The following CALN1 variants were observed in gnomAD, a reference collection of about 807,000 sequenced individuals.
CALN1 encodes the protein calneuron 1, also known as calcium-binding protein 8.
A neutral mutation model predicts 30.6 loss-of-function variants in CALN1; 17 were observed. The ratio of observed to expected loss-of-function variants is 0.56; its 90% confidence interval spans 0.38 to 0.83. The LOEUF (loss-of-function observed/expected upper bound fraction) is 0.83, where lower values mean the gene tolerates loss of function less well. CALN1 is among the 40% of genes least tolerant of loss of function. The probability of loss-of-function intolerance (pLI) is 0.00; values close to 1 mark genes in which losing one functional copy is unlikely to be tolerated. For missense variants in CALN1, 291 were observed against 354.9 expected, an observed-to-expected ratio of 0.82 and a Z score of 1.45; for synonymous variants, 156 against 131.4, an observed-to-expected ratio of 1.19 and a Z score of -1.28.
chr7:71,923,438 G>A (rs548649241), intron 5 of CALN1, among the ~76,000 whole-genome samples: 9 of 152,264 alleles, frequency 5.9e-5, no homozygotes, highest in Non-Finnish European at 1.3e-4. Context: ...ATTAAAGGGG[G>A]AAGAAAACAT....
chr7:71,845,226 T>C (rs1176114632), intron 5 of CALN1, among the ~76,000 whole-genome samples: 2 of 152,178 alleles, frequency 1.3e-5, no homozygotes, highest in Non-Finnish European at 2.9e-5. Context: ...TCCTGTATCT[T>C]GATAAAACAA....
At chr7:71,818,164 G>A (rs1456274066) in intron 5 of CALN1, among the ~76,000 whole-genome samples, 1 of 152,138 alleles carries the variant, frequency 6.6e-6, no homozygotes, top group Non-Finnish European at 1.5e-5. Flanking sequence ...AGGGAAGCCA[G>A]GATGTCTTGG....
intron 2 of CALN1, among the ~76,000 whole-genome samples, chr7:72,328,796 AGCAATTCTCCTGCCTCAGCC>A (rs1357809911): frequency 6.6e-6 from 1 of 152,222 alleles, no homozygotes; most frequent in Admixed American, 6.5e-5. Flanking sequence ...CCTGGGTTCA[AGCAATTCTCCTGCCTCAGCC>A]TCCCAAGGAG....
At chr7:72,014,245 C>A (rs377431187) in intron 5 of CALN1, among the ~76,000 whole-genome samples, 14 of 151,936 alleles carry the variant, frequency 9.2e-5, no homozygotes, top group Non-Finnish European at 1.8e-4. Context: ...CGCCACCACG[C>A]CCAGCTAATT....
At chr7:71,869,785 A>G (rs1215595573) in intron 5 of CALN1, among the ~76,000 whole-genome samples, 1 of 152,152 alleles carries the variant, frequency 6.6e-6, no homozygotes, top group Non-Finnish European at 1.5e-5. Context: ...TGTTTGAAGG[A>G]GACAATGGAA....
intron 5 of CALN1, among the ~76,000 whole-genome samples, chr7:71,989,770 A>G (rs1263075157): frequency 1.3e-5 from 2 of 152,178 alleles, no homozygotes; most frequent in Non-Finnish European, 2.9e-5. Context: ...TCCAAAAATC[A>G]CTGTTAGCAA....
chr7:72,333,304 G>C (rs796849974), intron 2 of CALN1, among the ~76,000 whole-genome samples: 15 of 152,358 alleles, frequency 9.8e-5, no homozygotes, highest in African/African-American at 3.4e-4. Context: ...GACAGGCACT[G>C]TGTCAACTTC....
chr7:72,072,029 T>C (rs1804431675), intron 4 of CALN1, among the ~76,000 whole-genome samples: 1 of 152,084 alleles, frequency 6.6e-6, no homozygotes, highest in African/African-American at 2.4e-5. Context: ...ACATAAAGTA[T>C]GTGTGAGACA....
At chr7:72,499,156 T>A in the CALN1 span, among the ~76,000 whole-genome samples, 2 of 151,958 alleles carry the variant, frequency 1.3e-5, no homozygotes, top group Admixed American at 1.3e-4. Context: ...TCAGCCTCCC[T>A]AGTAGCTGGG....
At chr7:71,946,978 G>C (rs1174957392) in intron 5 of CALN1, among the ~76,000 whole-genome samples, 1 of 152,068 alleles carries the variant, frequency 6.6e-6, no homozygotes, top group African/African-American at 2.4e-5. Flanking sequence ...CCATGCAGAA[G>C]CCACGTTTGG....
chr7:72,298,348 T>G (rs1799011593), intron 2 of CALN1, among the ~76,000 whole-genome samples: 4 of 152,260 alleles, frequency 2.6e-5, no homozygotes, highest in African/African-American at 9.6e-5. Flanking sequence ...ATCTCAAAGA[T>G]GTAGGCCAGT....
chr7:71,916,970 G>C (rs1431837772), intron 5 of CALN1, among the ~76,000 whole-genome samples: 1 of 152,180 alleles, frequency 6.6e-6, no homozygotes, highest in East Asian at 1.9e-4. Flanking sequence ...ATTCCACAGG[G>C]AGTTAGGAAC....
chr7:72,441,597 CAAAAA>C (rs56230554), intron 1 of CALN1, among the ~76,000 whole-genome samples: 3 of 79,530 alleles, frequency 3.8e-5, no homozygotes, highest in Non-Finnish European at 4.7e-5. Context: ...CACTCCGTCT[CAAAAA>C]AAAAAAAAAA....
chr7:72,298,981 C>A (rs1799058982), intron 2 of CALN1, among the ~76,000 whole-genome samples: 1 of 152,076 alleles, frequency 6.6e-6, no homozygotes, highest in East Asian at 1.9e-4. Context: ...TGTAAATTGT[C>A]CAGTCTCTGG....
At chr7:72,210,769 G>A (rs1319060169) in intron 3 of CALN1, among the ~76,000 whole-genome samples, 1 of 152,058 alleles carries the variant, frequency 6.6e-6, no homozygotes, top group East Asian at 1.9e-4. Flanking sequence ...GGATTACAAT[G>A]CAAGATGAGA....
intron 3 of CALN1, among the ~76,000 whole-genome samples, chr7:72,187,761 G>A (rs368715294): frequency 6.6e-6 from 1 of 152,118 alleles, no homozygotes; most frequent in African/African-American, 2.4e-5. Context: ...GTGATTCTTA[G>A]TCTTTTCCTT....
intron 4 of CALN1, among the ~76,000 whole-genome samples, chr7:72,030,352 C>T (rs1457015909): frequency 3.9e-5 from 6 of 152,162 alleles, no homozygotes; most frequent in African/African-American, 1.4e-4. Flanking sequence ...TGTAAGGACA[C>T]AGCACATTTT....
the CALN1 span, among the ~76,000 whole-genome samples, chr7:72,469,273 T>C: frequency 6.6e-6 from 1 of 152,352 alleles, no homozygotes; most frequent in South Asian, 2.1e-4. Context: ...TACAACTTCA[T>C]TCTTTTTCAT....
chr7:72,369,292 T>C (rs985620962), intron 2 of CALN1, among the ~76,000 whole-genome samples: 2 of 147,192 alleles, frequency 1.4e-5, no homozygotes, highest in Admixed American at 1.4e-4. Flanking sequence ...ATATAAAATA[T>C]ATATATTTAT....
Sources: gnomAD v4.1 joint callset for allele counts (sites outside exome capture counted in the v4.1 genomes callset) on GRCh38, gnomAD v4.1.1 for gene constraint, MANE v1.5 for transcripts, NCBI Gene and HGNC (gene_info 2026-07-23, HGNC 2026-07-21) for gene names.